The following LNPEP variants were observed in gnomAD, a reference collection of about 807,000 sequenced individuals.
LNPEP encodes leucyl-cystinyl aminopeptidase.
Under a neutral mutation model 120.6 loss-of-function variants are expected in LNPEP, and 64 were observed. The ratio of observed to expected loss-of-function variants is 0.53; its 90% CI spans 0.43 to 0.65. The LOEUF is 0.65. Among genes scored for constraint, LNPEP ranks in the 30% least tolerant of loss-of-function variants. LNPEP has a pLI of 0.00. For missense variants in LNPEP, 1,057 were observed against 1,200.0 expected, an observed-to-expected ratio of 0.88 and a Z score of 1.76; for synonymous variants, 435 against 425.4, an observed-to-expected ratio of 1.02 and a Z score of -0.28.
chr5:96,955,810 A>G (rs141130453), intron 1 of LNPEP, among the ~76,000 whole-genome samples: 4 of 152,356 alleles, frequency 2.6e-5, no homozygotes, highest in Admixed American at 1.3e-4. Context: ...GTAAATTCCC[A>G]TAAGTCGATT....
At position 97,006,523 on chromosome 5, in the gene LNPEP, T is replaced by G. The variant is rs769056195; in HGVS notation, c.2035+8T>G. ...TACTGGATAAGAAATCAGGTTTGAC[T>G]ATAATGACAGTTCTGATTGGAAATG... On this transcript the variant is annotated splice_region_variant and intron_variant, in intron 11 of 17. Transcript: ENST00000231368. 4.4e-6 allele frequency: 6 copies of G among 1,363,818 alleles called. No homozygotes were observed. The Admixed American group carries it at 1.0e-4, about 24-fold the overall frequency. The allele number at this position is 1,363,818 out of a possible 1,614,324, so 84.5% of individuals were successfully genotyped here.
At chr5:96,976,650 G>C (rs572031932) in intron 1 of LNPEP, among the ~76,000 whole-genome samples, 1 of 152,086 alleles carries the variant, frequency 6.6e-6, no homozygotes, top group South Asian at 2.1e-4. Context: ...TCTGCAGTAG[G>C]CCTGACACAG....
intron 1 of LNPEP, chr5:96,958,753 C>T (rs1398353858): frequency 6.6e-6 from 1 of 151,682 alleles, no homozygotes; most frequent in East Asian, 1.9e-4. Context: ...TGGCCCTGCT[C>T]CTTCATCTTC....
rs74803412 is a variant in LNPEP, at chr5:96,993,097, A to G, written c.1214A>G (p.Gln405Arg). Residue 405 changes from glutamine (Q) to arginine (R), a missense_variant, in exon 5 of 18, where the codon CAA becomes CGA. Physicochemically the swap from Gln to Arg is conservative, Grantham distance 43. Transcript: ENST00000231368. Reference protein sequence around the residue: ...ETTVKLLEFFQNYFEIQYPLK... With the variant: ...ETTVKLLEFFRNYFEIQYPLK... The stretch of plus-strand genomic sequence containing the variant: ...ACTGTGAAGCTTCTTGAGTTTTTTC[A>G]AAACTACTTTGAAATTCAGTACCCA... The G allele has an allele frequency of 8.9e-5, 143 of 1,600,758 alleles. 1 individual carries two copies. In the East Asian group the frequency reaches 3.2e-3, roughly 35 times the overall value.
rs1249738689 is a variant in LNPEP, at chr5:96,986,670, G to A, written c.1131G>A (p.Leu377=). ...TGAGTCAGGACGTAAATGGAACCCT[G>A]GTATGTTGATGTGGTAATTGTCTGA... ...KNLSQDVNGT[L]VSIYAVPEKI... is the part of the protein sequence containing the mutation. Residue 377 remains leucine (L), a splice_region_variant and synonymous_variant, in exon 4 of 18, where the codon CTG becomes CTA. Coordinates refer to ENST00000231368, the MANE Select transcript of LNPEP (RefSeq NM_005575.3). 1.5e-5 allele frequency: 24 copies of A among 1,613,070 alleles called. No homozygotes were observed. Among genetic ancestry groups the A allele is most frequent in the Non-Finnish European group, 2.0e-5 (23 of 1,179,316 alleles).
At chr5:96,976,728 G>T (rs1010221496) in intron 1 of LNPEP, among the ~76,000 whole-genome samples, 1 of 151,662 alleles carries the variant, frequency 6.6e-6, no homozygotes, top group African/African-American at 2.4e-5. Flanking sequence ...GTCAAAAAAG[G>T]CCTTTTTAGA....
At chr5:96,976,622 G>A (rs553245718) in intron 1 of LNPEP, among the ~76,000 whole-genome samples, 1 of 152,132 alleles carries the variant, frequency 6.6e-6, no homozygotes, top group African/African-American at 2.4e-5. Context: ...AAACCATGCT[G>A]TACAGAACCC....
chr5:96,936,103 T>A lies in LNPEP; in HGVS notation c.-53T>A, dbSNP rs1788854084. On this transcript the variant is annotated 5_prime_UTR_variant, in exon 1 of 18. Coordinates refer to ENST00000231368, the MANE Select transcript of LNPEP (RefSeq NM_005575.3). ...TCAGTCAGCTGGGCCGCCTCAGCTC[T>A]CGGAGTAGGAAGCTCGGGCGCTCCG... is the stretch of plus-strand genomic sequence containing the variant. 2.0e-6 allele frequency: 3 copies of A among 1,514,754 alleles called. No individual in the cohort carries two copies. The highest frequency in any genetic ancestry group is 2.7e-6 in the Non-Finnish European group (3 of 1,131,412). 93.8% of individuals were successfully genotyped at this position (1,514,754 alleles called of 1,614,324 possible).
At chr5:97,022,970 C>T (rs1791248045) in intron 14 of LNPEP, among the ~76,000 whole-genome samples, 1 of 151,860 alleles carries the variant, frequency 6.6e-6, no homozygotes. Flanking sequence ...CTGTACAGTT[C>T]AGTAGTGTTA....
intron 1 of LNPEP, among the ~76,000 whole-genome samples, chr5:96,964,545 T>G (rs753253123): frequency 6.6e-6 from 1 of 152,116 alleles, no homozygotes; most frequent in African/African-American, 2.4e-5. Flanking sequence ...CTGCATAATA[T>G]CTTATTCAGT....
chr5:97,003,560 G>C lies in LNPEP; in HGVS notation c.1785+14G>C. ...AGTTTTAATGAGGTAAGTGACCTGGGTAATTTATTTAGCTCTTACTGTAAA... is the reference window on the plus strand; with the variant it reads ...AGTTTTAATGAGGTAAGTGACCTGGCTAATTTATTTAGCTCTTACTGTAAA... On this transcript the variant is annotated intron_variant, in intron 9 of 17. Coordinates refer to ENST00000231368, the MANE Select transcript of LNPEP (RefSeq NM_005575.3). 1 of 1,561,000 alleles carries C rather than the reference G, an allele frequency of 6.4e-7. No homozygotes were observed. Among genetic ancestry groups the C allele is most frequent in the Non-Finnish European group, 8.7e-7 (1 of 1,151,538 alleles).
At chr5:96,999,446 A>G (rs1020711870) in intron 8 of LNPEP, among the ~76,000 whole-genome samples, 3 of 152,198 alleles carry the variant, frequency 2.0e-5, no homozygotes, top group Non-Finnish European at 4.4e-5. Context: ...GAATTATTGT[A>G]CAGGTACTAT....
chr5:96,986,715 C>G, intron 4 of LNPEP, 45 bp downstream of exon 4: 1 of 1,588,494 alleles, frequency 6.3e-7, no homozygotes, highest in Non-Finnish European at 8.6e-7. Context: ...TCACAAGAGG[C>G]TCAGAGGACC....
At chr5:96,977,934 T>C (rs1236410849) in intron 1 of LNPEP, among the ~76,000 whole-genome samples, 1 of 152,202 alleles carries the variant, frequency 6.6e-6, no homozygotes, top group African/African-American at 2.4e-5. Context: ...TTTAGACCTG[T>C]GCTTTAATAT....
At chr5:97,003,567 A>T in intron 9 of LNPEP, 21 bp downstream of exon 9, 1 of 1,548,424 alleles carries the variant, frequency 6.5e-7, no homozygotes, top group Non-Finnish European at 8.8e-7. Flanking sequence ...TGGGTAATTT[A>T]TTTAGCTCTT....
chr5:96,959,450 G>A (rs974098892), intron 1 of LNPEP, among the ~76,000 whole-genome samples: 1 of 152,144 alleles, frequency 6.6e-6, no homozygotes, highest in Non-Finnish European at 1.5e-5. Flanking sequence ...TTGAGGAAGA[G>A]ATAGGAATGG....
chr5:97,027,865 C>G (rs761931218), intron 17 of LNPEP, 51 bp downstream of exon 17: 7 of 1,054,638 alleles, frequency 6.6e-6, no homozygotes, highest in Non-Finnish European at 8.9e-6. Context: ...TCCGCACACC[C>G]GGACCAGGCT....
At chr5:96,962,221 G>T (rs1368920752) in intron 1 of LNPEP, among the ~76,000 whole-genome samples, 1 of 152,128 alleles carries the variant, frequency 6.6e-6, no homozygotes, top group African/African-American at 2.4e-5. Flanking sequence ...GACTTGATTT[G>T]ACATTCCTGG....
intron 13 of LNPEP, among the ~76,000 whole-genome samples, chr5:97,017,187 AGTG>A (rs1791087280): frequency 6.6e-6 from 1 of 152,150 alleles, no homozygotes; most frequent in Admixed American, 6.6e-5. Context: ...ATAGGTGCAT[AGTG>A]GTACTGCAAT....
Sources: gnomAD v4.1 joint callset for allele counts (sites outside exome capture counted in the v4.1 genomes callset) on GRCh38, gnomAD v4.1.1 for gene constraint, MANE v1.5 for transcripts, NCBI Gene and HGNC (gene_info 2026-07-23, HGNC 2026-07-21) for gene names.